COL23A1: variants seen among roughly 807,000 people sequenced by gnomAD.
The protein encoded by COL23A1 is collagen type XXIII alpha 1 chain, also known as collagen alpha-1(XXIII) chain.
A neutral mutation model predicts 99.3 loss-of-function variants in COL23A1; 97 were observed. The ratio of observed to expected loss-of-function variants is 0.98; its 90% CI spans 0.83 to 1.16. COL23A1 has a LOEUF of 1.16. COL23A1 is among the 50% of genes most tolerant of loss of function. COL23A1 has a pLI of 0.00. For synonymous variants in COL23A1, 320 were observed against 308.2 expected (o/e 1.04, Z -0.40); for missense variants, 762 against 757.4 (o/e 1.01, Z -0.07).
At chr5:178,335,189 A>G (rs1760253118) in intron 2 of COL23A1, among the ~76,000 whole-genome samples, 1 of 152,270 alleles carries the variant, frequency 6.6e-6, no homozygotes, top group South Asian at 2.1e-4. Flanking sequence ...CTAATTAAAA[A>G]TGAAAGGTGG....
At chr5:178,383,322 C>G (rs547976768) in intron 2 of COL23A1, among the ~76,000 whole-genome samples, 4 of 152,212 alleles carry the variant, frequency 2.6e-5, no homozygotes, top group African/African-American at 9.6e-5. Context: ...ATCTCTACCC[C>G]ACCTGATCAG....
rs1758495045 is a variant in COL23A1 at position 178,308,644 on chromosome 5, T to C, written c.362-1725A>G. Among the ~76,000 whole-genome samples the C allele has an allele frequency of 6.6e-6, 1 of 152,284 alleles. No individual in the cohort carries two copies. The highest frequency in any genetic ancestry group is 6.5e-5 in the Admixed American group (1 of 15,304). On this transcript the variant is annotated intron_variant, in intron 2 of 28. Coordinates refer to ENST00000390654, the MANE Select transcript of COL23A1 (RefSeq NM_173465.4). This position sits in a 1 kb window ranked among gnomAD's most constrained non-coding sequence, Gnocchi z 5.1. ...CACACTGTCCGGCCAATTACCTTCC[T>C]ATCTCCACGTGCTTGTCCCACCAGC...
intron 2 of COL23A1, among the ~76,000 whole-genome samples, chr5:178,521,527 T>A (rs1028873517): frequency 5.0e-5 from 7 of 139,600 alleles, no homozygotes; most frequent in Non-Finnish European, 1.1e-4. Context: ...CACTCCAGCC[T>A]GGGTGACAGA....
chr5:178,324,313 T>C (rs1759517418), intron 2 of COL23A1, among the ~76,000 whole-genome samples: 1 of 152,214 alleles, frequency 6.6e-6, no homozygotes, highest in African/African-American at 2.4e-5. Context: ...TTTCTCTGTC[T>C]TTAAATATTA....
At chr5:178,540,266 G>A (rs1761215373) in intron 2 of COL23A1, among the ~76,000 whole-genome samples, 1 of 151,986 alleles carries the variant, frequency 6.6e-6, no homozygotes. Flanking sequence ...GAAGATACAT[G>A]GAAAATCTAA....
intron 2 of COL23A1, among the ~76,000 whole-genome samples, chr5:178,323,817 C>G (rs1759483635): frequency 6.6e-6 from 1 of 152,304 alleles, no homozygotes; most frequent in South Asian, 2.1e-4. Flanking sequence ...GTCTGCTCTT[C>G]TAGTCCGTGC....
At chr5:178,474,790 C>T (rs1756942366) in intron 2 of COL23A1, among the ~76,000 whole-genome samples, 1 of 152,172 alleles carries the variant, frequency 6.6e-6, no homozygotes, top group Admixed American at 6.5e-5. Context: ...GATTATAAAC[C>T]ATAAACTAGA....
intron 1 of COL23A1, among the ~76,000 whole-genome samples, chr5:178,585,349 T>C (rs1763879730): frequency 6.6e-6 from 1 of 150,466 alleles, no homozygotes; most frequent in Non-Finnish European, 1.5e-5. Context: ...GACGCTCAGG[T>C]AACACTCTAT....
chr5:178,547,678 AC>A (rs1278764144), intron 2 of COL23A1, among the ~76,000 whole-genome samples: 11 of 4,230 alleles, frequency 2.6e-3, no homozygotes, highest in Non-Finnish European at 3.6e-3. Flanking sequence ...CCACACACCC[AC>A]CCCCCACACA....
At chr5:178,416,082 A>C (rs182721317) in intron 2 of COL23A1, among the ~76,000 whole-genome samples, 1,555 of 152,044 alleles carry the variant, frequency 0.01, 37 homozygotes, top group African/African-American at 0.036. Context: ...ACTGAGTCTA[A>C]ACCCTCCCAT....
chr5:178,349,082 C>T (rs922612328), intron 2 of COL23A1, among the ~76,000 whole-genome samples: 4 of 152,232 alleles, frequency 2.6e-5, no homozygotes, highest in Admixed American at 2.0e-4. Flanking sequence ...TCGGTAGAGC[C>T]GACGAGGGCT....
At chr5:178,519,615 G>C (rs142158905) in intron 2 of COL23A1, among the ~76,000 whole-genome samples, 1 of 152,220 alleles carries the variant, frequency 6.6e-6, no homozygotes, top group Non-Finnish European at 1.5e-5. Context: ...CTAGCTGGAT[G>C]CATCTCACAG....
intron 2 of COL23A1, among the ~76,000 whole-genome samples, chr5:178,346,280 C>T (rs182975993): frequency 1.8e-4 from 27 of 152,248 alleles, no homozygotes; most frequent in African/African-American, 6.3e-4. Context: ...GTCGCCCAGG[C>T]TGGAGTGCAT....
intron 2 of COL23A1, among the ~76,000 whole-genome samples, chr5:178,462,555 A>C (rs1426026978): frequency 2.6e-5 from 4 of 152,232 alleles, no homozygotes; most frequent in African/African-American, 9.6e-5. Flanking sequence ...ACCCCCATTG[A>C]GTAATCCCCA....
chr5:178,359,829 A>T (rs1357538212), intron 2 of COL23A1, among the ~76,000 whole-genome samples: 1 of 152,226 alleles, frequency 6.6e-6, no homozygotes, highest in South Asian at 2.1e-4. Flanking sequence ...TAGGGAGAAG[A>T]TGGAGCAGGA....
At chr5:178,480,777 T>A (rs1157789551) in intron 2 of COL23A1, among the ~76,000 whole-genome samples, 2 of 152,192 alleles carry the variant, frequency 1.3e-5, no homozygotes, top group South Asian at 4.1e-4. Flanking sequence ...AGCCTGCTTT[T>A]CACAGGTTGG....
intron 2 of COL23A1, among the ~76,000 whole-genome samples, chr5:178,505,518 T>G (rs1389512471): frequency 6.6e-6 from 1 of 152,154 alleles, no homozygotes; most frequent in Non-Finnish European, 1.5e-5. Flanking sequence ...CCCAAAGTGC[T>G]GGGATTACAG....
chr5:178,589,553 A>C lies in COL23A1; in HGVS notation c.294+351T>G, dbSNP rs1764161357. On this transcript the variant is annotated intron_variant, in intron 1 of 28. Transcript: ENST00000390654. This position sits in a 1 kb window ranked among gnomAD's most constrained non-coding sequence, Gnocchi z 5.4. ...GATACTTCCCACGAGCCTCATCTTT[A>C]TCCCCGACTCTGGCCGCCGGCGGGA... is the stretch of plus-strand genomic sequence containing the variant. Among the ~76,000 whole-genome samples the C allele has an allele frequency of 6.6e-6, 1 of 152,174 alleles. No homozygotes were observed. The highest frequency in any genetic ancestry group is 2.1e-4 in the South Asian group (1 of 4,832).
intron 2 of COL23A1, among the ~76,000 whole-genome samples, chr5:178,326,167 T>G (rs1223750615): frequency 6.6e-6 from 1 of 152,158 alleles, no homozygotes; most frequent in African/African-American, 2.4e-5. Flanking sequence ...TCTGGAACAC[T>G]TGCCGAATAC....
Sources: allele counts gnomAD v4.1 joint callset (sites outside exome capture counted in the v4.1 genomes callset), GRCh38; gene constraint gnomAD v4.1.1; non-coding constraint Gnocchi (gnomAD v3.1); transcripts MANE v1.5; gene names NCBI Gene and HGNC (gene_info 2026-07-23, HGNC 2026-07-21).